The following NRAP variants were observed in gnomAD, a reference collection of about 807,000 sequenced individuals.
NRAP encodes the protein nebulin related anchoring protein.
In NRAP, 189 loss-of-function variants were observed where a neutral mutation model predicts 225.9. That is an observed-to-expected ratio of 0.84 (90% CI 0.74 to 0.94). NRAP has a LOEUF of 0.94. Ranked by LOEUF, NRAP falls within the 40% of genes least tolerant of loss-of-function variation. The pLI is 0.00. For synonymous variants in NRAP, 769 were observed against 790.7 expected (o/e 0.97, Z 0.46); for missense variants, 2,176 against 2,168.7 (o/e 1.00, Z -0.07).
At chr10:113,635,793 T>TA (rs751006268) in intron 14 of NRAP, among the ~76,000 whole-genome samples, 32 of 152,358 alleles carry the variant, frequency 2.1e-4, no homozygotes, top group Admixed American at 5.9e-4. Context: ...AACTCATCTC[T>TA]AACCCTGCTC....
At chr10:113,660,394 T>A (rs768971673) in intron 3 of NRAP, among the ~76,000 whole-genome samples, 1 of 152,044 alleles carries the variant, frequency 6.6e-6, no homozygotes, top group African/African-American at 2.4e-5. Flanking sequence ...CACATATATA[T>A]ACACACATAT....
intron 8 of NRAP, 21 bp downstream of exon 8, chr10:113,650,417 C>G (rs1261920352): frequency 6.5e-7 from 1 of 1,542,062 alleles, no homozygotes; most frequent in East Asian, 2.2e-5. Context: ...CTAACATGAC[C>G]ACATTGTCAA....
intron 3 of NRAP, among the ~76,000 whole-genome samples, chr10:113,659,927 G>A (rs562042743): frequency 6.6e-6 from 1 of 152,124 alleles, no homozygotes; most frequent in East Asian, 1.9e-4. Flanking sequence ...AGATCACAGG[G>A]AGGTGAAAAG....
intron 9 of NRAP, among the ~76,000 whole-genome samples, chr10:113,647,675 G>GTGGTA (rs1564753091): frequency 2.2e-4 from 21 of 95,028 alleles, no homozygotes; most frequent in South Asian, 3.6e-4. Context: ...CCCCGGTGGT[G>GTGGTA]CTGTCTCCCC....
At chr10:113,596,849 T>C (rs571382156) in intron 37 of NRAP, among the ~76,000 whole-genome samples, 1 of 152,268 alleles carries the variant, frequency 6.6e-6, no homozygotes, top group Non-Finnish European at 1.5e-5. Context: ...GCTATTATTA[T>C]CCTCCCCGAA....
At chr10:113,642,343 C>G (rs1441956290) in intron 12 of NRAP, among the ~76,000 whole-genome samples, 1 of 152,136 alleles carries the variant, frequency 6.6e-6, no homozygotes, top group African/African-American at 2.4e-5. Flanking sequence ...AAATAAATTC[C>G]TCACTGTGCC....
rs769200470 is a variant in NRAP at position 113,604,668 on chromosome 10, C to T, written c.4168G>A (p.Ala1390Thr). ...GCCATCTTCAGGTCCTCGGGCAGTG[C>T]TGTGAACTTGTGATACTGTGTCCTG... ...DYRTQYHKFT[A>T]LPEDLKMAWA... The change falls in exon 35 of 42, where the codon GCA becomes ACA. Residue 1390 changes from alanine to threonine, a missense_variant. Physicochemically the swap from Ala to Thr is moderately conservative, Grantham distance 58 (BLOSUM62 0). Coordinates refer to ENST00000359988, the MANE Select transcript of NRAP (RefSeq NM_198060.4). 21 of 1,614,066 alleles carry T rather than the reference C, an allele frequency of 1.3e-5. No individual in the cohort carries two copies. The highest frequency in any genetic ancestry group is 1.7e-5 in the Non-Finnish European group (20 of 1,180,042).
At chr10:113,597,045 C>T in intron 37 of NRAP, 41 bp downstream of exon 37, 1 of 1,324,800 alleles carries the variant, frequency 7.5e-7, no homozygotes, top group Non-Finnish European at 1.1e-6. Flanking sequence ...AGCAGCAGTG[C>T]TACACTGCAT....
Position 113,597,705 on chromosome 10 carries a change from A to G in NRAP, c.4332+264T>C, listed in dbSNP as rs150109134. Among the ~76,000 whole-genome samples the G allele has an allele frequency of 5.6e-3, 848 of 152,328 alleles. 8 individuals are homozygous for G. The highest frequency in any genetic ancestry group is 0.019 in the African/African-American group (793 of 41,568). On this transcript the variant is annotated intron_variant, in intron 36 of 41. Transcript: ENST00000359988. ...ATTCCTCCTCCTCTCCATACAAAGA[A>G]TGGGCCAGTTTAGATAACGATTGTA...
chr10:113,653,744 T>C (rs1850132165), intron 5 of NRAP, among the ~76,000 whole-genome samples: 2 of 152,186 alleles, frequency 1.3e-5, no homozygotes, highest in Admixed American at 6.5e-5. Flanking sequence ...TGGTTCCTTC[T>C]GGAGGTTCTA....
chr10:113,637,877 G>A (rs1409857252), intron 14 of NRAP, among the ~76,000 whole-genome samples: 5 of 151,134 alleles, frequency 3.3e-5, no homozygotes, highest in South Asian at 4.2e-4. Context: ...AGCCGAGATC[G>A]CACCATTACA....
At chr10:113,643,106 A>G (rs1191463799) in intron 11 of NRAP, 68 bp from the exon 12 acceptor site, 6 of 771,858 alleles carry the variant, frequency 7.8e-6, no homozygotes, top group Non-Finnish European at 1.4e-5. Context: ...ATGTCCCAGG[A>G]CTTGACTAGG....
At chr10:113,654,819 G>A (rs1850204890) in intron 4 of NRAP, among the ~76,000 whole-genome samples, 2 of 152,178 alleles carry the variant, frequency 1.3e-5, no homozygotes, top group African/African-American at 4.8e-5. Context: ...TTTCATGTCT[G>A]GTTTACTAAC....
intron 3 of NRAP, among the ~76,000 whole-genome samples, chr10:113,657,834 A>C (rs915793695): frequency 2.0e-5 from 3 of 152,180 alleles, no homozygotes; most frequent in African/African-American, 7.2e-5. Flanking sequence ...AGTCTTTATA[A>C]ACCTACCACA....
rs1847380570 is a variant in NRAP at position 113,612,332 on chromosome 10, T to C, written c.3400A>G (p.Ser1134Gly). The C allele has an allele frequency of 6.2e-7, 1 of 1,614,094 alleles. No homozygotes were observed. The highest frequency in any genetic ancestry group is 8.5e-7 in the Non-Finnish European group (1 of 1,180,022). ...VHAKKAQTLA[S>G]NQDYKHPLPQ... ...AGTGGATGTTTGTAGTCCTGATTGC[T>C]GGCCAGGGTCTGAGCCTTCTTGGCA... The change falls in exon 30 of 42, where the codon AGC becomes GGC. Residue 1134 changes from serine to glycine, a missense_variant. This residue lies in a region of NRAP where 1,708 missense variants were observed against 1,695.5 expected (regional missense o/e 1.01). Transcript: ENST00000359988.
Position 113,590,625 on chromosome 10 carries a change from G to C in NRAP, c.4909C>G (p.Gln1637Glu), listed in dbSNP as rs755387671. ...TTCTGAGCATGCCTGAGGCCCAGCT[G>C]CTCCGGGTCGCAGGTGGGCTGGGGC... is the stretch of plus-strand genomic sequence containing the variant. ...PLPQPTCDPE[Q>E]LGLRHAQKAH... is the part of the protein sequence containing the mutation. The change falls in exon 40 of 42, where the codon CAG becomes GAG. Residue 1637 changes from glutamine (Q) to glutamate (E), a missense_variant. By Grantham distance (29) the Gln-to-Glu change is conservative. Around this residue, in one of 3 missense-constraint regions of NRAP, gnomAD observed 445 missense variants for 426.1 expected, o/e 1.04. Coordinates refer to ENST00000359988, the MANE Select transcript of NRAP (RefSeq NM_198060.4). 1.1e-5 allele frequency: 18 copies of C among 1,613,708 alleles called. No homozygotes were observed. The highest frequency in any genetic ancestry group is 1.4e-5 in the Non-Finnish European group (17 of 1,179,992).
At chr10:113,624,641 G>C (rs1389564895) in intron 22 of NRAP, among the ~76,000 whole-genome samples, 185 bp downstream of exon 22, 2 of 152,160 alleles carry the variant, frequency 1.3e-5, no homozygotes, top group African/African-American at 4.8e-5. Flanking sequence ...TATGAAAGCT[G>C]TCCTCCTCTC....
At chr10:113,627,035 GT>G (rs1382683941) in intron 20 of NRAP, among the ~76,000 whole-genome samples, 1 of 152,186 alleles carries the variant, frequency 6.6e-6, no homozygotes, top group Non-Finnish European at 1.5e-5. Context: ...TCACAGCCTG[GT>G]TCTGGCAAAA....
chr10:113,597,782 G>A (rs2133854701), intron 36 of NRAP, among the ~76,000 whole-genome samples, 187 bp downstream of exon 36: 1 of 152,318 alleles, frequency 6.6e-6, no homozygotes, highest in East Asian at 1.9e-4. Context: ...CAGTTCCTCA[G>A]CAGTGAATTC....
Sources: allele counts gnomAD v4.1 joint callset (sites outside exome capture counted in the v4.1 genomes callset), GRCh38; gene constraint gnomAD v4.1.1; regional missense constraint gnomAD v4.1.1; transcripts MANE v1.5; gene names NCBI Gene and HGNC (gene_info 2026-07-23, HGNC 2026-07-21).